STK39: variants seen among roughly 807,000 people sequenced by gnomAD.
STK39 encodes the protein STE20/SPS1-related proline-alanine-rich protein kinase.
STK39 carries 20 observed loss-of-function variants against 77.8 expected under a neutral mutation model. The ratio of observed to expected loss-of-function variants is 0.26; its 90% CI spans 0.18 to 0.37. The LOEUF (loss-of-function observed/expected upper bound fraction) is 0.37. STK39 is among the 10% of genes least tolerant of loss of function. The pLI is 1.00. For missense variants in STK39, 479 were observed against 656.5 expected (o/e 0.73, Z 2.95); for synonymous variants, 246 against 234.1 (o/e 1.05, Z -0.47).
chr2:168,012,914 C>A (rs1237421389), intron 15 of STK39, among the ~76,000 whole-genome samples: 1 of 152,188 alleles, frequency 6.6e-6, no homozygotes, highest in Non-Finnish European at 1.5e-5. Flanking sequence ...AGAAGTTATG[C>A]AAAATTATTT....
intron 1 of STK39, among the ~76,000 whole-genome samples, chr2:168,203,576 T>A: frequency 6.6e-6 from 1 of 152,320 alleles, no homozygotes; most frequent in East Asian, 1.9e-4. Context: ...ATGTCAGAGT[T>A]GTCACCAGCG....
chr2:168,089,272 G>A (rs532590189), intron 10 of STK39, among the ~76,000 whole-genome samples: 3 of 152,286 alleles, frequency 2.0e-5, no homozygotes, highest in East Asian at 1.9e-4. Flanking sequence ...TGCCTTCTTC[G>A]TCCAGTAAAG....
Position 168,129,522 on chromosome 2 carries a change from G to A in STK39, c.1089+19C>T. The A allele has an allele frequency of 6.2e-7, 1 of 1,613,866 alleles. No homozygotes were observed. Among genetic ancestry groups the A allele is most frequent in the Middle Eastern group, 1.7e-4 (1 of 6,052 alleles). Reference sequence around the variant, plus strand: ...TGGGGATTGGTTCCTACAGGGTCATGAAGGCTAATGGCACTTACCTTTTTG... The same window carrying A: ...TGGGGATTGGTTCCTACAGGGTCATAAAGGCTAATGGCACTTACCTTTTTG... On this transcript the variant is annotated intron_variant, in intron 10 of 17. Coordinates refer to ENST00000355999, the MANE Select transcript of STK39 (RefSeq NM_013233.3).
intron 4 of STK39, among the ~76,000 whole-genome samples, 179 bp from the exon 5 acceptor site, chr2:168,162,021 C>T (rs148466298): frequency 0.012 from 1,869 of 152,286 alleles, 41 homozygotes; most frequent in African/African-American, 0.043. Context: ...CACAGTGGCT[C>T]ACGCCTGTAA....
chr2:168,241,619 T>A (rs1017226176), intron 1 of STK39, among the ~76,000 whole-genome samples: 1 of 152,156 alleles, frequency 6.6e-6, no homozygotes, highest in African/African-American at 2.4e-5. Context: ...AGAGTGGGAA[T>A]AGGGAACAAC....
chr2:168,209,331 G>A (rs957973075), intron 1 of STK39, among the ~76,000 whole-genome samples: 1 of 152,136 alleles, frequency 6.6e-6, no homozygotes, highest in African/African-American at 2.4e-5. Flanking sequence ...AACTATGAAG[G>A]TAGGTGTATT....
intron 5 of STK39, among the ~76,000 whole-genome samples, chr2:168,147,097 C>T (rs986074628): frequency 3.9e-5 from 6 of 152,104 alleles, no homozygotes; most frequent in South Asian, 4.1e-4. Context: ...GTTAAGATTC[C>T]GCAACTCCTA....
Position 168,139,408 on chromosome 2 carries a change from T to TTATATATATATATATATATATATATA in STK39, c.840+880_840+881insTATATATATATATATATATATATATA, listed in dbSNP as rs71003023. 9.3e-4 allele frequency among the ~76,000 whole-genome samples: 135 copies of TTATATATATATATATATATATATATA among 144,488 alleles called. 1 individual carries two copies. Among genetic ancestry groups the TTATATATATATATATATATATATATA allele is most frequent in the African/African-American group, 3.3e-3 (123 of 37,842 alleles). The allele number at this position is 144,488 out of a possible 152,430, so 94.8% of individuals were successfully genotyped here. On this transcript the variant is annotated intron_variant, in intron 7 of 17. Transcript: ENST00000355999. ...AAATCCTAACTATGTTAAAAAAAAT[T>TTATATATATATATATATATATATATA]TATATATATATATATAAAAACAATA... is the stretch of plus-strand genomic sequence containing the variant.
chr2:168,114,586 T>C (rs150826147), intron 10 of STK39, among the ~76,000 whole-genome samples: 1 of 152,312 alleles, frequency 6.6e-6, no homozygotes, highest in African/African-American at 2.4e-5. Flanking sequence ...CCAGTGAGGC[T>C]GTAATCTCAA....
At chr2:168,048,512 C>CGGCCCGGCCCGGCCCGGCCT (rs1685308465) in intron 14 of STK39, among the ~76,000 whole-genome samples, 4 of 151,828 alleles carry the variant, frequency 2.6e-5, no homozygotes, top group African/African-American at 9.7e-5. Flanking sequence ...GCGCCCGGCC[C>CGGCCCGGCCCGGCCCGGCCT]GGCCCGGCCT....
intron 1 of STK39, among the ~76,000 whole-genome samples, chr2:168,233,626 C>G (rs922306002): frequency 3.1e-5 from 4 of 129,762 alleles, no homozygotes; most frequent in Admixed American, 2.2e-4. Context: ...GTTTCTAACT[C>G]AAAGGAAAAG....
intron 16 of STK39, among the ~76,000 whole-genome samples, chr2:168,003,882 T>A (rs78336721): frequency 2.6e-4 from 39 of 152,378 alleles, no homozygotes; most frequent in Non-Finnish European, 4.3e-4. Flanking sequence ...AAAGTCAATA[T>A]CAGTGAATAT....
At chr2:168,017,454 A>G (rs1684443999) in intron 14 of STK39, among the ~76,000 whole-genome samples, 1 of 118,100 alleles carries the variant, frequency 8.5e-6, no homozygotes, top group Admixed American at 9.6e-5. Context: ...GTGTGATCTC[A>G]CTGCAACCCA....
intron 17 of STK39, among the ~76,000 whole-genome samples, chr2:167,959,273 C>T (rs1282663241): frequency 6.6e-6 from 1 of 151,826 alleles, no homozygotes. Flanking sequence ...TGCCCGCCAC[C>T]ATGTCCAGGT....
At chr2:167,958,731 C>T (rs1166796097) in intron 17 of STK39, among the ~76,000 whole-genome samples, 1 of 152,176 alleles carries the variant, frequency 6.6e-6, no homozygotes, top group Non-Finnish European at 1.5e-5. Context: ...CTAGAACTTT[C>T]CAAGTGGCAA....
At chr2:168,160,237 C>T (rs903224998) in intron 5 of STK39, among the ~76,000 whole-genome samples, 1 of 152,188 alleles carries the variant, frequency 6.6e-6, no homozygotes, top group South Asian at 2.1e-4. Context: ...ATCATCATTT[C>T]ATCATAAAAC....
chr2:168,235,337 C>T (rs970717502), intron 1 of STK39, among the ~76,000 whole-genome samples: 2 of 151,988 alleles, frequency 1.3e-5, no homozygotes, highest in African/African-American at 2.4e-5. Flanking sequence ...CCACCACGGC[C>T]GGCCCGAGTC....
chr2:167,975,127 C>G (rs1198664851), intron 16 of STK39, among the ~76,000 whole-genome samples: 1 of 152,164 alleles, frequency 6.6e-6, no homozygotes, highest in East Asian at 1.9e-4. Context: ...CCACCTTGTC[C>G]TTCCTGAGTC....
chr2:168,134,864 C>T (rs1161448055), intron 8 of STK39, among the ~76,000 whole-genome samples: 2 of 152,180 alleles, frequency 1.3e-5, no homozygotes, highest in Non-Finnish European at 2.9e-5. Context: ...AATACCAGGG[C>T]TTTGGCACCA....
Sources: gnomAD v4.1 joint callset for allele counts (sites outside exome capture counted in the v4.1 genomes callset) on GRCh38, gnomAD v4.1.1 for gene constraint, MANE v1.5 for transcripts, NCBI Gene and HGNC (gene_info 2026-07-23, HGNC 2026-07-21) for gene names.